Variants in MAST2 observed in about 807,000 individuals in gnomAD.
The protein encoded by MAST2 is microtubule-associated serine/threonine-protein kinase 2.
Under a neutral mutation model 147.4 loss-of-function variants are expected in MAST2, and 70 were observed. That is an observed-to-expected ratio of 0.47 (90% confidence interval 0.39 to 0.58). The LOEUF is 0.58. Among genes scored for constraint, MAST2 ranks in the 20% least tolerant of loss-of-function variants. The pLI is 0.00. For synonymous variants in MAST2, 869 were observed against 896.8 expected, an observed-to-expected ratio of 0.97 and a Z score of 0.55; for missense variants, 2,080 against 2,302.3, an observed-to-expected ratio of 0.90 and a Z score of 1.98.
intron 4 of MAST2, among the ~76,000 whole-genome samples, chr1:45,944,151 T>C (rs1049309051): frequency 6.6e-6 from 1 of 152,228 alleles, no homozygotes; most frequent in African/African-American, 2.4e-5. Flanking sequence ...TTGTACCAAC[T>C]AAAATGCACA....
At chr1:46,027,928 A>G in intron 17 of MAST2, 65 bp downstream of exon 17, 1 of 1,586,266 alleles carries the variant, frequency 6.3e-7, no homozygotes, top group Non-Finnish European at 8.6e-7. Flanking sequence ...GCAGTGTCTT[A>G]CGCCCGTAAT....
chr1:45,857,650 T>G (rs1217687382), intron 3 of MAST2, among the ~76,000 whole-genome samples: 1 of 152,128 alleles, frequency 6.6e-6, no homozygotes, highest in African/African-American at 2.4e-5. Context: ...GTGCACAATG[T>G]GCAGGTTTGT....
chr1:45,922,954 C>G (rs759864159), intron 4 of MAST2, among the ~76,000 whole-genome samples: 1 of 152,182 alleles, frequency 6.6e-6, no homozygotes, highest in Non-Finnish European at 1.5e-5. Context: ...TGATCTGCTC[C>G]ATGGGGCTGG....
intron 1 of MAST2, among the ~76,000 whole-genome samples, chr1:45,805,753 C>T (rs762461560): frequency 6.6e-6 from 1 of 152,136 alleles, no homozygotes; most frequent in African/African-American, 2.4e-5. Context: ...TACTTATGTC[C>T]TTGATTTCAT....
chr1:45,830,229 C>T (rs923869872), intron 3 of MAST2, among the ~76,000 whole-genome samples: 2 of 131,290 alleles, frequency 1.5e-5, no homozygotes, highest in East Asian at 2.4e-4. Flanking sequence ...GTTGCCCAGG[C>T]TGTAGTGCAA....
At chr1:46,029,803 C>G in intron 19 of MAST2, 28 bp from the exon 20 acceptor site, 1 of 1,612,744 alleles carries the variant, frequency 6.2e-7, no homozygotes, top group Non-Finnish European at 8.5e-7. Context: ...TCATCCTACC[C>G]CCTTGCCCAT....
intron 10 of MAST2, 139 bp from the exon 11 acceptor site, chr1:46,019,457 C>G: frequency 1.6e-6 from 1 of 637,776 alleles, no homozygotes; most frequent in Non-Finnish European, 2.7e-6. Context: ...AGCCAGCCAG[C>G]CTTCTCTGAG....
intron 3 of MAST2, among the ~76,000 whole-genome samples, chr1:45,830,421 C>T (rs550556193): frequency 5.1e-4 from 77 of 152,032 alleles, no homozygotes; most frequent in Middle Eastern, 6.8e-3. Flanking sequence ...GATCCACCCA[C>T]CTCAGCCTCC....
At chr1:46,020,325 C>G (rs988805588) in intron 11 of MAST2, among the ~76,000 whole-genome samples, 22 of 152,064 alleles carry the variant, frequency 1.4e-4, no homozygotes, top group African/African-American at 4.8e-4. Context: ...TTTCCCAGAT[C>G]GGGAGCATGG....
intron 3 of MAST2, among the ~76,000 whole-genome samples, chr1:45,836,803 A>G (rs1450330752): frequency 1.3e-5 from 2 of 152,212 alleles, no homozygotes; most frequent in East Asian, 3.8e-4. Context: ...ATATAGTTAT[A>G]TAAGAATTAT....
chr1:46,014,907 T>C (rs1452987631), intron 10 of MAST2, among the ~76,000 whole-genome samples: 1 of 152,044 alleles, frequency 6.6e-6, no homozygotes, highest in Non-Finnish European at 1.5e-5. Context: ...TATTCCAAAA[T>C]TGACCACATA....
intron 4 of MAST2, among the ~76,000 whole-genome samples, chr1:45,915,651 A>G (rs1263525556): frequency 1.3e-5 from 2 of 150,610 alleles, no homozygotes; most frequent in East Asian, 3.9e-4. Flanking sequence ...CGGAACTTGC[A>G]GTGAGCCGAG....
At chr1:45,834,114 G>T (rs368012637) in intron 3 of MAST2, among the ~76,000 whole-genome samples, 1 of 152,054 alleles carries the variant, frequency 6.6e-6, no homozygotes, top group Non-Finnish European at 1.5e-5. Context: ...TGGAGTAACG[G>T]CCGTCTATAG....
chr1:45,882,983 G>A (rs1646915515), intron 4 of MAST2, among the ~76,000 whole-genome samples: 1 of 152,166 alleles, frequency 6.6e-6, no homozygotes, highest in African/African-American at 2.4e-5. Flanking sequence ...GGCAGTATTA[G>A]AAATTTGGCC....
chr1:45,962,483 T>C (rs1238711509), intron 5 of MAST2, among the ~76,000 whole-genome samples: 20 of 152,240 alleles, frequency 1.3e-4, no homozygotes, highest in Non-Finnish European at 2.5e-4. Context: ...CAAGATGATA[T>C]CTCATTGTGG....
rs779344481 is a variant in MAST2, at chr1:46,035,893, A to G, written c.5224A>G (p.Ser1742Gly). The change falls in exon 29 of 29, where the codon AGC becomes GGC. Residue 1742 changes from serine to glycine, a missense_variant. By Grantham distance (56) the Ser-to-Gly change is moderately conservative. Transcript: ENST00000361297. The surrounding 1 kb of genome is among the most constrained non-coding windows in gnomAD (Gnocchi z 5.5). ...AQAVKEDPAL[S>G]ITQVPDASGD... is the part of the protein sequence containing the mutation. ...AGCAGTGAAAGAGGATCCAGCCCTG[A>G]GCATCACCCAAGTGCCTGATGCCTC... 2 of 1,614,078 alleles carry G rather than the reference A, an allele frequency of 1.2e-6. No homozygotes were observed. Among genetic ancestry groups the G allele is most frequent in the East Asian group, 4.5e-5 (2 of 44,880 alleles).
intron 21 of MAST2, 152 bp downstream of exon 21, chr1:46,030,390 A>G (rs974940822): frequency 1.2e-6 from 1 of 839,280 alleles, no homozygotes; most frequent in Non-Finnish European, 1.8e-6. Context: ...ACATATAGCT[A>G]TATATAGGTG....
chr1:45,965,567 C>T (rs1437949280), intron 5 of MAST2, among the ~76,000 whole-genome samples: 1 of 151,914 alleles, frequency 6.6e-6, no homozygotes. Flanking sequence ...CTTTGTTTTC[C>T]ATTTGCTTGG....
rs116884585 is a variant in MAST2, at chr1:45,842,133, A to G, written c.468+12552A>G. On this transcript the variant is annotated intron_variant, in intron 3 of 28. Transcript: ENST00000361297. The stretch of plus-strand genomic sequence containing the variant: ...TCGAACTCCCAGGCTCAAGTGATCC[A>G]CCCGCTTTGGCCTCCCTAAGTACTG... 3.6e-3 allele frequency among the ~76,000 whole-genome samples: 542 copies of G among 152,150 alleles called. 6 individuals carry two copies. Among genetic ancestry groups the G allele is most frequent in the East Asian group, 0.034 (174 of 5,166 alleles).
Sources: gnomAD v4.1 joint callset for allele counts (sites outside exome capture counted in the v4.1 genomes callset) on GRCh38, gnomAD v4.1.1 for gene constraint, Gnocchi (gnomAD v3.1) non-coding constraint, MANE v1.5 for transcripts, NCBI Gene and HGNC (gene_info 2026-07-23, HGNC 2026-07-21) for gene names.